The following MORF4L1 variants were observed in gnomAD, a reference collection of about 807,000 sequenced individuals.
MORF4L1 encodes the protein mortality factor 4-like protein 1.
In MORF4L1, 4 loss-of-function variants were observed where a neutral mutation model predicts 52.9. The observed-to-expected ratio is 0.08, with a 90% confidence interval of 0.04 to 0.17. MORF4L1 has a LOEUF of 0.17. Ranked by LOEUF, MORF4L1 falls within the 10% of genes least tolerant of loss-of-function variation. The pLI is 1.00. For missense variants in MORF4L1, 214 were observed against 390.4 expected, an observed-to-expected ratio of 0.55 and a Z score of 3.81; for synonymous variants, 123 against 134.8, an observed-to-expected ratio of 0.91 and a Z score of 0.61.
intron 7 of MORF4L1, 95 bp downstream of exon 7, chr15:78,891,667 CT>C: frequency 3.0e-6 from 3 of 1,009,552 alleles, no homozygotes; most frequent in African/African-American, 1.6e-5. Context: ...ACAAGATTTG[CT>C]TACATGGTTA....
At chr15:78,894,742 T>C (rs2056857537) in intron 10 of MORF4L1, 78 bp from the exon 11 acceptor site, 1 of 1,090,978 alleles carries the variant, frequency 9.2e-7, no homozygotes, top group South Asian at 1.3e-5. Flanking sequence ...TGGTGGTGTT[T>C]GCTCACATAA....
At chr15:78,887,167 T>C (rs1165590480) in intron 4 of MORF4L1, 102 bp from the exon 5 acceptor site, 3 of 957,616 alleles carry the variant, frequency 3.1e-6, no homozygotes, top group African/African-American at 3.3e-5. Context: ...TAAAAACTTG[T>C]TGCCAGAATT....
chr15:78,891,604 T>C, intron 7 of MORF4L1, 32 bp downstream of exon 7: 3 of 1,504,232 alleles, frequency 2.0e-6, no homozygotes, highest in Non-Finnish European at 2.8e-6. Flanking sequence ...GAATAGCATG[T>C]TAGGATTTTT....
chr15:78,881,794 G>C (rs1358285322), intron 3 of MORF4L1, among the ~76,000 whole-genome samples: 2 of 152,144 alleles, frequency 1.3e-5, no homozygotes, highest in East Asian at 3.9e-4. Flanking sequence ...TGTTCTTGTG[G>C]AATTGTCCTC....
chr15:78,878,326 C>A (rs1304338432), intron 2 of MORF4L1, 67 bp downstream of exon 2: 3 of 1,442,520 alleles, frequency 2.1e-6, no homozygotes, highest in East Asian at 2.3e-5. Context: ...ATTTAATATA[C>A]AAGTACAGTA....
rs2056846352 is a variant in MORF4L1 at position 78,894,233 on chromosome 15, A to AATATGTCATG, written c.802+4_802+13dup. ...GCCACATCTCCTGAGATTATTTGGT[A>AATATGTCATG]ATATGTCATGTAGAAAATAATGGAT... is the stretch of plus-strand genomic sequence containing the variant. On this transcript the variant is annotated splice_donor_region_variant and intron_variant, in intron 10 of 11. Transcript: ENST00000426013. The AATATGTCATG allele has an allele frequency of 1.2e-6, 2 of 1,603,906 alleles. No homozygotes were observed. The highest frequency in any genetic ancestry group is 4.5e-5 in the East Asian group (2 of 44,556).
rs776296095 is a variant in MORF4L1, at chr15:78,885,038, T to G, written c.156-1103T>G. 8.1e-6 allele frequency: 13 copies of G among 1,614,048 alleles called. No homozygotes were observed. The South Asian group carries it at 1.4e-4, about 18-fold the overall frequency. On this transcript the variant is annotated intron_variant, in intron 3 of 11. Coordinates refer to ENST00000426013, the MANE Select transcript of MORF4L1 (RefSeq NM_006791.4). Reference sequence around the variant, plus strand: ...GAGGATATTGTAGCCCTTTTTCCTGTTCCTGAAGGAGCTCCCTCAGTACAC... The same window carrying G: ...GAGGATATTGTAGCCCTTTTTCCTGGTCCTGAAGGAGCTCCCTCAGTACAC...
chr15:78,878,120 A>T, intron 1 of MORF4L1, 93 bp from the exon 2 acceptor site: 1 of 1,335,952 alleles, frequency 7.5e-7, no homozygotes, highest in Non-Finnish European at 1.0e-6. Flanking sequence ...TTTGGCTAGG[A>T]ATACCTTAAT....
intron 4 of MORF4L1, among the ~76,000 whole-genome samples, 161 bp from the exon 5 acceptor site, chr15:78,887,108 T>C (rs1274140662): frequency 2.0e-5 from 3 of 152,248 alleles, no homozygotes; most frequent in Non-Finnish European, 4.4e-5. Context: ...TTTTGCTGTT[T>C]CTTGAGTGTT....
rs1466513622 is a variant in MORF4L1, at chr15:78,897,507, A to C, written c.*440A>C. The stretch of plus-strand genomic sequence containing the variant: ...GCTTTTGTTTTTTTTTATGGTGCTT[A>C]AAGTAAAGAGCCCATCCTTTGCAAG... On this transcript the variant is annotated 3_prime_UTR_variant, in exon 12 of 12. Transcript: ENST00000426013. The C allele has an allele frequency of 4.5e-5, 7 of 153,896 alleles. No individual in the cohort carries two copies. Among genetic ancestry groups the C allele is most frequent in the African/African-American group, 1.7e-4 (7 of 40,592 alleles). The allele number at this position is 153,896 out of a possible 1,614,324, so 9.5% of individuals were successfully genotyped here.
chr15:78,873,113 C>G, intron 1 of MORF4L1, 56 bp downstream of exon 1: 1 of 1,545,478 alleles, frequency 6.5e-7, no homozygotes. Flanking sequence ...TAGAGGCGGG[C>G]TCGAGGTGAT....
At chr15:78,891,078 T>A in intron 6 of MORF4L1, 64 bp downstream of exon 6, 12 of 1,429,834 alleles carry the variant, frequency 8.4e-6, no homozygotes, top group Non-Finnish European at 1.1e-5. Context: ...GTTTTTATTT[T>A]GAAAGCTATG....
chr15:78,889,001 TAATAG>T, intron 5 of MORF4L1, among the ~76,000 whole-genome samples: 1 of 152,338 alleles, frequency 6.6e-6, no homozygotes, highest in African/African-American at 2.4e-5. Context: ...TTATCAAAAG[TAATAG>T]TTCATAACTA....
At chr15:78,891,633 T>C in intron 7 of MORF4L1, 61 bp downstream of exon 7, 1 of 1,306,938 alleles carries the variant, frequency 7.7e-7, no homozygotes, top group South Asian at 1.2e-5. Context: ...TTACATGACA[T>C]AACCATGGGA....
intron 1 of MORF4L1, among the ~76,000 whole-genome samples, chr15:78,876,793 C>G (rs1300641009): frequency 6.6e-6 from 1 of 152,120 alleles, no homozygotes; most frequent in Non-Finnish European, 1.5e-5. Flanking sequence ...CCAGCAGCCT[C>G]TAGCAGTGAT....
chr15:78,877,725 TAGTG>T (rs1381374346), intron 1 of MORF4L1: 1 of 152,456 alleles, frequency 6.6e-6, no homozygotes, highest in Non-Finnish European at 1.5e-5. Context: ...AGAATGAACA[TAGTG>T]AGACCCCTTA....
At chr15:78,896,312 T>C (rs529968699) in intron 11 of MORF4L1, among the ~76,000 whole-genome samples, 7 of 93,950 alleles carry the variant, frequency 7.5e-5, no homozygotes, top group African/African-American at 2.9e-4. Flanking sequence ...TCTTTTCTTT[T>C]TTTTTTTTTT....
At chr15:78,877,305 G>A (rs1460587141) in intron 1 of MORF4L1, among the ~76,000 whole-genome samples, 2 of 152,024 alleles carry the variant, frequency 1.3e-5, no homozygotes, top group African/African-American at 4.8e-5. Context: ...ATTTTTAGAA[G>A]AGACAGGGTT....
At chr15:78,892,023 C>G (rs1356306541) in intron 7 of MORF4L1, among the ~76,000 whole-genome samples, 189 bp from the exon 8 acceptor site, 2 of 152,164 alleles carry the variant, frequency 1.3e-5, no homozygotes, top group African/African-American at 4.8e-5. Context: ...TAGTTCAGGT[C>G]AGATTCTTTT....
Sources: allele counts gnomAD v4.1 joint callset (sites outside exome capture counted in the v4.1 genomes callset), GRCh38; gene constraint gnomAD v4.1.1; transcripts MANE v1.5; gene names NCBI Gene and HGNC (gene_info 2026-07-23, HGNC 2026-07-21).